Variants in ZDHHC14 observed in about 807,000 individuals in gnomAD.
ZDHHC14 encodes the protein palmitoyltransferase ZDHHC14.
Under a neutral mutation model 47.7 loss-of-function variants are expected in ZDHHC14, and 16 were observed. That is an observed-to-expected ratio of 0.34 (90% CI 0.23 to 0.51). ZDHHC14 has a LOEUF of 0.51. ZDHHC14 is among the 20% of genes least tolerant of loss of function. The pLI is 0.97. For missense variants in ZDHHC14, 515 were observed against 662.5 expected (o/e 0.78, Z 2.44); for synonymous variants, 293 against 278.9 (o/e 1.05, Z -0.50).
chr6:157,390,279 A>G (rs1777396389), intron 1 of ZDHHC14, among the ~76,000 whole-genome samples: 1 of 151,522 alleles, frequency 6.6e-6, no homozygotes, highest in Non-Finnish European at 1.5e-5. Context: ...TTTTTTTAGC[A>G]TTTCCCCCCA....
At chr6:157,476,438 C>T (rs1325088658) in intron 1 of ZDHHC14, among the ~76,000 whole-genome samples, 1 of 152,030 alleles carries the variant, frequency 6.6e-6, no homozygotes, top group African/African-American at 2.4e-5. Context: ...AAGAAAAGCC[C>T]GGAACTTGAT....
intron 1 of ZDHHC14, among the ~76,000 whole-genome samples, chr6:157,540,388 T>G (rs974452969): frequency 1.3e-5 from 2 of 152,182 alleles, no homozygotes; most frequent in African/African-American, 4.8e-5. Context: ...TTTGCAACTT[T>G]GAGCAGGTGG....
At chr6:157,600,230 C>A (rs1017764987) in intron 3 of ZDHHC14, among the ~76,000 whole-genome samples, 2 of 152,058 alleles carry the variant, frequency 1.3e-5, no homozygotes, top group Non-Finnish European at 2.9e-5. Flanking sequence ...AACATTACAA[C>A]AAGCCAACGT....
chr6:157,403,576 C>T (rs1319540239), intron 1 of ZDHHC14, among the ~76,000 whole-genome samples: 2 of 152,198 alleles, frequency 1.3e-5, no homozygotes, highest in Non-Finnish European at 2.9e-5. Flanking sequence ...TAGGGCCGGC[C>T]TGAGAACTCT....
intron 1 of ZDHHC14, among the ~76,000 whole-genome samples, chr6:157,501,219 T>C (rs984250417): frequency 8.5e-5 from 13 of 152,248 alleles, no homozygotes; most frequent in African/African-American, 3.1e-4. Flanking sequence ...TCTGTCATTA[T>C]TTTTTCCTTC....
rs777568494 is a variant in ZDHHC14, at chr6:157,595,174, A to ATTTTTTTTTTTT, written c.565+2053_565+2064dup. On this transcript the variant is annotated intron_variant, in intron 3 of 8. Transcript: ENST00000359775. ...CCTCTGTTTCTTGTCTCTAGGCTAG[A>ATTTTTTTTTTTT]TTTTTTTTTTTTTTTTTTTTTTTTT... Among the ~76,000 whole-genome samples, 4 of 62,716 alleles carry ATTTTTTTTTTTT rather than the reference A, an allele frequency of 6.4e-5. 1 individual carries two copies. Among genetic ancestry groups the ATTTTTTTTTTTT allele is most frequent in the African/African-American group, 1.5e-4 (2 of 13,538 alleles). 41.1% of individuals were successfully genotyped at this position (62,716 alleles called of 152,430 possible).
intron 2 of ZDHHC14, among the ~76,000 whole-genome samples, chr6:157,587,727 G>A (rs1783749569): frequency 6.6e-6 from 1 of 152,184 alleles, no homozygotes; most frequent in South Asian, 2.1e-4. Context: ...GCCAGTAGCA[G>A]TTCAAAGCAC....
intron 2 of ZDHHC14, among the ~76,000 whole-genome samples, chr6:157,579,289 C>T (rs1400517013): frequency 1.4e-5 from 2 of 147,984 alleles, no homozygotes; most frequent in African/African-American, 5.0e-5. Context: ...GCTCTGCCTC[C>T]CGGGTTCATG....
At chr6:157,599,725 C>T (rs1438439111) in intron 3 of ZDHHC14, among the ~76,000 whole-genome samples, 5 of 152,174 alleles carry the variant, frequency 3.3e-5, no homozygotes, top group Non-Finnish European at 7.4e-5. Context: ...TAAGGGAAAC[C>T]ATAAGAAAAC....
At chr6:157,574,059 A>G (rs1001476438) in intron 2 of ZDHHC14, among the ~76,000 whole-genome samples, 9 of 151,692 alleles carry the variant, frequency 5.9e-5, no homozygotes, top group African/African-American at 1.9e-4. Flanking sequence ...GGTTTTCCCA[A>G]ATGTGTTTGG....
At chr6:157,436,969 G>A (rs1005549237) in intron 1 of ZDHHC14, among the ~76,000 whole-genome samples, 4 of 152,050 alleles carry the variant, frequency 2.6e-5, no homozygotes, top group African/African-American at 9.7e-5. Flanking sequence ...GGTTGTGGAG[G>A]AGGCCTTCAT....
At chr6:157,606,701 C>T (rs957199034) in intron 3 of ZDHHC14, among the ~76,000 whole-genome samples, 6 of 152,110 alleles carry the variant, frequency 3.9e-5, no homozygotes, top group Admixed American at 1.3e-4. Flanking sequence ...CTTGGGACCC[C>T]GTCACCTCCC....
rs570547739 is a variant in ZDHHC14, at chr6:157,626,399, A to AT, written c.566-1943dup. On this transcript the variant is annotated intron_variant, in intron 3 of 8. Coordinates refer to ENST00000359775, the MANE Select transcript of ZDHHC14 (RefSeq NM_024630.3). The stretch of plus-strand genomic sequence containing the variant: ...TCTTAGGAAATTCTGGCTGATTCAG[A>AT]TTTTTTTCTCTCTGTGCACGTTGAC... 3.7e-3 allele frequency among the ~76,000 whole-genome samples: 566 copies of AT among 152,198 alleles called. 2 individuals carry two copies. The highest frequency in any genetic ancestry group is 0.013 in the African/African-American group (546 of 41,504).
intron 8 of ZDHHC14, among the ~76,000 whole-genome samples, chr6:157,659,736 G>T (rs538500349): frequency 6.6e-6 from 1 of 152,234 alleles, no homozygotes; most frequent in East Asian, 1.9e-4. Flanking sequence ...AGAGCAAGTG[G>T]TCTGGCAAGT....
intron 1 of ZDHHC14, among the ~76,000 whole-genome samples, chr6:157,425,437 T>G (rs1367370943): frequency 2.0e-5 from 3 of 152,252 alleles, no homozygotes; most frequent in African/African-American, 7.2e-5. Context: ...TTCCTCATTT[T>G]TAAATCTCTA....
chr6:157,483,278 T>C (rs150664548), intron 1 of ZDHHC14, among the ~76,000 whole-genome samples: 5,322 of 152,262 alleles, frequency 0.035, 148 homozygotes, highest in Non-Finnish European at 0.055. Flanking sequence ...GAAATATTGG[T>C]TTTTCTCCCT....
At chr6:157,559,221 G>A (rs183620699) in intron 2 of ZDHHC14, among the ~76,000 whole-genome samples, 79 of 152,338 alleles carry the variant, frequency 5.2e-4, no homozygotes, top group African/African-American at 1.9e-3. Context: ...AGGATGTGGT[G>A]GTCGGCCATC....
intron 2 of ZDHHC14, among the ~76,000 whole-genome samples, chr6:157,591,813 A>C (rs1365429963): frequency 2.0e-5 from 3 of 152,328 alleles, no homozygotes; most frequent in Admixed American, 1.3e-4. Context: ...CATCTCTGAT[A>C]GTATGTGCTT....
chr6:157,468,284 A>G (rs1040799398), intron 1 of ZDHHC14, among the ~76,000 whole-genome samples: 3 of 152,202 alleles, frequency 2.0e-5, no homozygotes, highest in Admixed American at 2.0e-4. Context: ...AGTGTGCACT[A>G]AAGTGAATCT....
Sources: allele counts gnomAD v4.1 joint callset (sites outside exome capture counted in the v4.1 genomes callset), GRCh38; gene constraint gnomAD v4.1.1; transcripts MANE v1.5; gene names NCBI Gene and HGNC (gene_info 2026-07-23, HGNC 2026-07-21).